DYNLT5: variants seen among roughly 807,000 people sequenced by gnomAD.
The protein encoded by DYNLT5 is dynein light chain Tctex-type 5.
DYNLT5 carries 25 observed loss-of-function variants against 19.3 expected under a neutral mutation model. That is an observed-to-expected ratio of 1.30 (90% confidence interval 0.95 to 1.81). The LOEUF (loss-of-function observed/expected upper bound fraction) is 1.81, where lower values mean the gene tolerates loss of function less well. Among genes scored for constraint, DYNLT5 ranks in the 40% most tolerant of loss-of-function variants. The pLI, the probability that DYNLT5 is intolerant of heterozygous loss-of-function variation, is 0.00. For missense variants in DYNLT5, 232 were observed against 217.9 expected, an observed-to-expected ratio of 1.06 and a Z score of -0.41; for synonymous variants, 82 against 68.9, an observed-to-expected ratio of 1.19 and a Z score of -0.94.
At position 66,777,531 on chromosome 1, in the gene DYNLT5, C is replaced by A; in HGVS notation, c.*77C>A. ...ATGTCTGTACACAAAAGTTTTACTG[C>A]CAAAAACTTTGAGAAAGAAACAACA... On this transcript the variant is annotated 3_prime_UTR_variant, in exon 5 of 5. Coordinates refer to ENST00000282670, the MANE Select transcript of DYNLT5 (RefSeq NM_152665.3). 1 of 1,290,966 alleles carries A rather than the reference C, an allele frequency of 7.7e-7. No homozygotes were observed. The allele number at this position is 1,290,966 out of a possible 1,614,324, so 80.0% of individuals were successfully genotyped here.
chr1:66,776,310 C>T lies in DYNLT5; in HGVS notation c.243C>T (p.Val81=), dbSNP rs774993296. The change falls in exon 4 of 5, where the codon GTC becomes GTT. Residue 81 remains valine (V), a synonymous_variant. Coordinates refer to ENST00000282670, the MANE Select transcript of DYNLT5 (RefSeq NM_152665.3). ...GPPKHFPVVT[V]NHILKDVVTS... is the part of the protein sequence containing the mutation. ...CCAAACATTTTCCTGTGGTCACCGTCAATCATATTTTGAAAGATGTAGTAA... is the reference window on the plus strand; with the variant it reads ...CCAAACATTTTCCTGTGGTCACCGTTAATCATATTTTGAAAGATGTAGTAA... 1 of 1,613,320 alleles carries T rather than the reference C, an allele frequency of 6.2e-7. No homozygotes were observed. The highest frequency in any genetic ancestry group is 1.1e-5 in the South Asian group (1 of 90,954).
rs1319844643 is a variant in DYNLT5 at position 66,778,394 on chromosome 1, A to G, written c.*940A>G. ...TTTGAATAGACGGGTGCTAAAATTT[A>G]CAGGGCTGAAATAGCTTATTATTCT... On this transcript the variant is annotated 3_prime_UTR_variant, in exon 5 of 5. Coordinates refer to ENST00000282670, the MANE Select transcript of DYNLT5 (RefSeq NM_152665.3). The G allele has an allele frequency of 6.6e-6, 1 of 152,670 alleles. No individual in the cohort carries two copies. Among genetic ancestry groups the G allele is most frequent in the Non-Finnish European group, 1.5e-5 (1 of 68,042 alleles). 9.5% of individuals were successfully genotyped at this position (152,670 alleles called of 1,614,324 possible).
chr1:66,777,276 T>C lies in DYNLT5; in HGVS notation c.362T>C (p.Leu121Ser). ...GTTATTAAAGCCCAGGTCAAGGACT[T>C]GATGATTCCACGGTATAAACTAATT... ...SEVIKAQVKD[L>S]MIPRYKLIVI... The change falls in exon 5 of 5, where the codon TTG becomes TCG. Residue 121 changes from leucine to serine, a missense_variant. Coordinates refer to ENST00000282670, the MANE Select transcript of DYNLT5 (RefSeq NM_152665.3). 6.2e-7 allele frequency: 1 copy of C among 1,612,896 alleles called. No individual in the cohort carries two copies. The highest frequency in any genetic ancestry group is 1.1e-5 in the South Asian group (1 of 90,974).
intron 2 of DYNLT5, among the ~76,000 whole-genome samples, chr1:66,764,187 C>CA (rs903814623): frequency 2.0e-4 from 30 of 148,728 alleles, no homozygotes; most frequent in Middle Eastern, 3.5e-3. Context: ...GATTCTGTCT[C>CA]AAAAAAAAAC....
chr1:66,773,862 G>T lies in DYNLT5; in HGVS notation c.212-2417G>T, dbSNP rs1645219895. Among the ~76,000 whole-genome samples, 5 of 152,022 alleles carry T rather than the reference G, an allele frequency of 3.3e-5. No individual in the cohort carries two copies. In the South Asian group the frequency reaches 1.0e-3, roughly 32 times the overall value. ...AAAAAAATCTCGAGAAAGAAGAAAA[G>T]CTTTGCCATTCACATCAGTTTACTC... On this transcript the variant is annotated intron_variant, in intron 3 of 4. Coordinates refer to ENST00000282670, the MANE Select transcript of DYNLT5 (RefSeq NM_152665.3).
intron 2 of DYNLT5, among the ~76,000 whole-genome samples, chr1:66,765,088 T>C (rs1310796219): frequency 6.6e-6 from 1 of 152,152 alleles, no homozygotes; most frequent in Non-Finnish European, 1.5e-5. Context: ...GCAATAAACA[T>C]TTGTTGAAAG....
chr1:66,757,530 A>G (rs796860936), intron 2 of DYNLT5, among the ~76,000 whole-genome samples: 1 of 152,170 alleles, frequency 6.6e-6, no homozygotes, highest in South Asian at 2.1e-4. Flanking sequence ...GGACATACAT[A>G]TATCAGACCC....
chr1:66,767,659 T>C (rs1645170430), intron 2 of DYNLT5, among the ~76,000 whole-genome samples: 1 of 152,216 alleles, frequency 6.6e-6, no homozygotes, highest in African/African-American at 2.4e-5. Flanking sequence ...CATATAATAA[T>C]AAACATTAGT....
rs1572544322 is a variant in DYNLT5, at chr1:66,759,454, T to G, written c.119+4677T>G. On this transcript the variant is annotated intron_variant, in intron 2 of 4. Coordinates refer to ENST00000282670, the MANE Select transcript of DYNLT5 (RefSeq NM_152665.3). ...TATAACCACAATAAAATCTAGGGCT[T>G]CTGCTCAACAAAGGATACAATAGAC... 3.9e-5 allele frequency among the ~76,000 whole-genome samples: 6 copies of G among 152,314 alleles called. 2 individuals carry two copies. The highest frequency in any genetic ancestry group is 3.9e-4 in the Admixed American group (6 of 15,302).
At position 66,763,045 on chromosome 1, in the gene DYNLT5, G is replaced by T. The variant is rs143611700; in HGVS notation, c.120-7342G>T. 3.3e-3 allele frequency among the ~76,000 whole-genome samples: 502 copies of T among 151,904 alleles called. 4 individuals carry two copies. Among genetic ancestry groups the T allele is most frequent in the African/African-American group, 0.012 (481 of 41,398 alleles). On this transcript the variant is annotated intron_variant, in intron 2 of 4. Transcript: ENST00000282670. The stretch of plus-strand genomic sequence containing the variant: ...AAATAAGTAAATAAATGAGATGAAG[G>T]TCGAAATTACTCCTTGATCCATGGG...
At chr1:66,765,209 A>G (rs972832569) in intron 2 of DYNLT5, among the ~76,000 whole-genome samples, 27 of 152,210 alleles carry the variant, frequency 1.8e-4, no homozygotes, top group Non-Finnish European at 1.8e-4. Context: ...ATTTAATAAC[A>G]GCTTATCTCC....
intron 2 of DYNLT5, among the ~76,000 whole-genome samples, chr1:66,769,561 G>A (rs1645190699): frequency 6.6e-6 from 1 of 151,566 alleles, no homozygotes. Context: ...ACACACACAT[G>A]CTATTATATC....
intron 3 of DYNLT5, among the ~76,000 whole-genome samples, chr1:66,774,388 G>A (rs1364166550): frequency 1.3e-4 from 17 of 130,042 alleles, no homozygotes; most frequent in Admixed American, 7.3e-4. Flanking sequence ...GAGATGATGG[G>A]GAGATCTTTA....
intron 1 of DYNLT5, among the ~76,000 whole-genome samples, chr1:66,753,847 G>C (rs1425292287): frequency 6.6e-6 from 1 of 152,154 alleles, no homozygotes; most frequent in Non-Finnish European, 1.5e-5. Context: ...CTACTAGGGA[G>C]GCTGAGGTGG....
chr1:66,759,121 A>G (rs1368677109), intron 2 of DYNLT5, among the ~76,000 whole-genome samples: 1 of 152,242 alleles, frequency 6.6e-6, no homozygotes, highest in African/African-American at 2.4e-5. Flanking sequence ...CATTTCACAT[A>G]CAATATCTGT....
intron 3 of DYNLT5, among the ~76,000 whole-genome samples, chr1:66,773,580 T>C (rs1645216349): frequency 1.3e-5 from 2 of 152,146 alleles, no homozygotes; most frequent in Non-Finnish European, 2.9e-5. Flanking sequence ...ATCACATATC[T>C]AAGGAGTGTT....
At chr1:66,776,172 A>G (rs1645233247) in intron 3 of DYNLT5, 107 bp from the exon 4 acceptor site, 1 of 1,419,564 alleles carries the variant, frequency 7.0e-7, no homozygotes, top group Admixed American at 2.4e-5. Context: ...GAGTCCACCC[A>G]GAAGATTAAA....
chr1:66,756,851 C>G (rs571407709), intron 2 of DYNLT5, among the ~76,000 whole-genome samples: 6 of 152,344 alleles, frequency 3.9e-5, no homozygotes, highest in Admixed American at 1.3e-4. Flanking sequence ...TATCTGGCCC[C>G]CAGCCATTGC....
intron 2 of DYNLT5, among the ~76,000 whole-genome samples, chr1:66,767,570 A>G (rs2150864954): frequency 6.6e-6 from 1 of 152,246 alleles, no homozygotes; most frequent in South Asian, 2.1e-4. Flanking sequence ...AAGTTTTATG[A>G]TTTATTGATT....
Sources: gnomAD v4.1 joint callset for allele counts (sites outside exome capture counted in the v4.1 genomes callset) on GRCh38, gnomAD v4.1.1 for gene constraint, MANE v1.5 for transcripts, NCBI Gene and HGNC (gene_info 2026-07-23, HGNC 2026-07-21) for gene names.